Variants in PDE4DIP observed in about 807,000 individuals in gnomAD.
The protein encoded by PDE4DIP is myomegalin.
A neutral mutation model predicts 221.4 loss-of-function variants in PDE4DIP; 59 were observed. That is an observed-to-expected ratio of 0.27 (90% CI 0.22 to 0.33). PDE4DIP has a LOEUF of 0.33. Among genes scored for constraint, PDE4DIP ranks in the 10% least tolerant of loss-of-function variants. The probability of loss-of-function intolerance (pLI) is 1.00; values close to 1 mark genes in which losing one functional copy is unlikely to be tolerated. For missense variants in PDE4DIP, 1,036 were observed against 2,154.2 expected (o/e 0.48, Z 10.28); for synonymous variants, 404 against 815.9 (o/e 0.50, Z 8.60).
chr1:148,957,411 CTTA>C (rs1553503600), intron 5 of PDE4DIP, among the ~76,000 whole-genome samples: 3 of 79,036 alleles, frequency 3.8e-5, no homozygotes, highest in African/African-American at 5.0e-5. Context: ...AAAGAGGTTT[CTTA>C]TTATTATTCA....
chr1:149,012,871 C>T (rs1476833610), intron 32 of PDE4DIP, 95 bp downstream of exon 35: 4 of 635,552 alleles, frequency 6.3e-6, no homozygotes, highest in Non-Finnish European at 1.1e-5. Flanking sequence ...AAAAAAACAA[C>T]ACGGGTACAC....
At chr1:148,905,242 G>T (rs2041520456) in intron 1 of PDE4DIP, among the ~76,000 whole-genome samples, 1 of 130,196 alleles carries the variant, frequency 7.7e-6, no homozygotes, top group African/African-American at 3.0e-5. Flanking sequence ...GGAGTGCAGT[G>T]GTGCGATCTC....
At chr1:148,861,552 C>T (rs1553400898) in intron 1 of PDE4DIP, among the ~76,000 whole-genome samples, 2 of 52,552 alleles carry the variant, frequency 3.8e-5, no homozygotes, top group Non-Finnish European at 7.0e-5. Context: ...GCAGGAGAAT[C>T]GCTTGAACCT....
chr1:149,010,712 C>G (rs1490658842), intron 31 of PDE4DIP, 117 bp downstream of exon 34: 93 of 839,362 alleles, frequency 1.1e-4, no homozygotes, highest in Non-Finnish European at 1.5e-4. Context: ...AAAACCTAGA[C>G]AGAATCGAGA....
intron 4 of PDE4DIP, among the ~76,000 whole-genome samples, chr1:148,933,767 C>A (rs1409917781): frequency 1.1e-4 from 16 of 152,132 alleles, no homozygotes; most frequent in Admixed American, 6.6e-4. Context: ...AAGATCCATA[C>A]TCCTAATGTG....
chr1:148,820,372 G>A (rs1281389920), intron 1 of PDE4DIP, among the ~76,000 whole-genome samples: 15 of 141,872 alleles, frequency 1.1e-4, no homozygotes, highest in Admixed American at 4.9e-4. Context: ...TTTGAGACCA[G>A]CCTGGCCAAA....
chr1:148,912,272 A>T (rs1449233910), intron 1 of PDE4DIP, among the ~76,000 whole-genome samples: 1 of 146,530 alleles, frequency 6.8e-6, no homozygotes, highest in Admixed American at 6.7e-5. Flanking sequence ...CTCTTTACTC[A>T]TTCTTTGCAC....
intron 21 of PDE4DIP, chr1:148,984,706 C>T (rs1324100882): frequency 6.6e-6 from 1 of 152,064 alleles, no homozygotes; most frequent in Non-Finnish European, 1.5e-5. Context: ...TCACATTATA[C>T]TGAAAATTGT....
At chr1:148,995,696 T>C (rs2064041263) in intron 22 of PDE4DIP, among the ~76,000 whole-genome samples, 1 of 151,810 alleles carries the variant, frequency 6.6e-6, no homozygotes, top group Admixed American at 6.6e-5. Flanking sequence ...GGGGTTTCAT[T>C]TGGGGGAAAG....
intron 2 of PDE4DIP, chr1:148,929,662 C>T (rs1553468207): frequency 5.6e-6 from 1 of 177,098 alleles, no homozygotes; most frequent in Non-Finnish European, 1.2e-5. Context: ...CTCTCATACA[C>T]TACCAGTGAG....
intron 37 of PDE4DIP, 122 bp downstream of exon 40, chr1:149,021,275 C>G (rs1390971048): frequency 3.2e-5 from 24 of 753,198 alleles, no homozygotes; most frequent in Non-Finnish European, 5.0e-5. Flanking sequence ...CAGAAACCCC[C>G]ACCCGAGCCT....
chr1:148,889,079 A>G (rs1697239874), upstream of PDE4DIP, among the ~76,000 whole-genome samples: 1 of 151,776 alleles, frequency 6.6e-6, no homozygotes, highest in Non-Finnish European at 1.5e-5. Flanking sequence ...TGAGCTCTGG[A>G]TTATCAAAGG....
intron 5 of PDE4DIP, 83 bp from the exon 9 acceptor site, chr1:148,960,571 T>C (rs1347866107): frequency 5.2e-6 from 1 of 192,596 alleles, no homozygotes; most frequent in African/African-American, 3.9e-5. Flanking sequence ...TGGCAAAAGA[T>C]GCAACAGACA....
chr1:149,024,344 A>G (rs2074385997), intron 37 of PDE4DIP, 101 bp from the exon 41 acceptor site: 8 of 792,920 alleles, frequency 1.0e-5, no homozygotes, highest in Middle Eastern at 3.8e-4. Context: ...TGAGACTCAG[A>G]TGATAGTGGG....
chr1:148,955,303 AG>A, intron 5 of PDE4DIP, among the ~76,000 whole-genome samples: 1 of 152,146 alleles, frequency 6.6e-6, no homozygotes, highest in Non-Finnish European at 1.5e-5. Context: ...TAGTTGGGCC[AG>A]GATGGATGGG....
chr1:148,813,791 T>G (rs1667064585), intron 1 of PDE4DIP, among the ~76,000 whole-genome samples: 1 of 133,170 alleles, frequency 7.5e-6, no homozygotes, highest in African/African-American at 3.0e-5. Context: ...TTTTTTTTTT[T>G]GCATGTAGAT....
intron 1 of PDE4DIP, among the ~76,000 whole-genome samples, chr1:148,892,125 G>T (rs1455928120): frequency 2.5e-5 from 3 of 119,140 alleles, no homozygotes; most frequent in Non-Finnish European, 5.0e-5. Context: ...CTCTGGAGTA[G>T]CTGGGACTAC....
At chr1:148,925,624 G>A (rs1225758446) in intron 1 of PDE4DIP, among the ~76,000 whole-genome samples, 2 of 151,826 alleles carry the variant, frequency 1.3e-5, no homozygotes, top group African/African-American at 2.4e-5. Context: ...TATTTTTCCT[G>A]GTAAGGCTGG....
intron 4 of PDE4DIP, among the ~76,000 whole-genome samples, chr1:148,937,349 T>C (rs2049433302): frequency 6.6e-6 from 1 of 152,234 alleles, no homozygotes; most frequent in Admixed American, 6.5e-5. Context: ...GATTGTTTCT[T>C]TTCCAACTTC....
Sources: gnomAD v4.1 joint callset for allele counts (sites outside exome capture counted in the v4.1 genomes callset) on GRCh38, gnomAD v4.1.1 for gene constraint, MANE v1.5 for transcripts, NCBI Gene and HGNC (gene_info 2026-07-23, HGNC 2026-07-21) for gene names.